The following TRAK1 variants were observed in gnomAD, a reference collection of about 807,000 sequenced individuals.
The protein encoded by TRAK1 is trafficking kinesin-binding protein 1.
A neutral mutation model predicts 92.1 loss-of-function variants in TRAK1; 33 were observed. The observed-to-expected ratio is 0.36, with a 90% CI of 0.27 to 0.48. The LOEUF (loss-of-function observed/expected upper bound fraction) is 0.48. TRAK1 is among the 20% of genes least tolerant of loss of function. The pLI is 0.99. For missense variants in TRAK1, 1,123 were observed against 1,257.9 expected, an observed-to-expected ratio of 0.89 and a Z score of 1.62; for synonymous variants, 521 against 517.3, an observed-to-expected ratio of 1.01 and a Z score of -0.10.
At chr3:42,156,757 G>A (rs1700581859) in intron 2 of TRAK1, among the ~76,000 whole-genome samples, 1 of 152,194 alleles carries the variant, frequency 6.6e-6, no homozygotes, top group African/African-American at 2.4e-5. Context: ...ATATCACCAT[G>A]AAACACTGTT....
At chr3:42,026,105 C>T (rs1701904306) in intron 1 of TRAK1, among the ~76,000 whole-genome samples, 1 of 151,968 alleles carries the variant, frequency 6.6e-6, no homozygotes, top group African/African-American at 2.4e-5. Context: ...CCTGTCTCTC[C>T]CTCCATCCCT....
chr3:42,224,115 C>T lies in TRAK1; in HGVS notation c.*378C>T, dbSNP rs998181458. On this transcript the variant is annotated 3_prime_UTR_variant, in exon 16 of 16. Transcript: ENST00000327628. Reference sequence around the variant, plus strand: ...CCCATGGATAGGAAACCAGTGAATTCCGTGGCTGGCACACCACGAGCTGTC... The same window carrying T: ...CCCATGGATAGGAAACCAGTGAATTTCGTGGCTGGCACACCACGAGCTGTC... The T allele has an allele frequency of 4.3e-6, 2 of 464,270 alleles. No individual in the cohort carries two copies. The highest frequency in any genetic ancestry group is 4.7e-5 in the Admixed American group (2 of 42,662). 28.8% of individuals were successfully genotyped at this position (464,270 alleles called of 1,614,324 possible).
intron 13 of TRAK1, among the ~76,000 whole-genome samples, chr3:42,208,554 C>T (rs1432160792): frequency 2.0e-5 from 3 of 152,190 alleles, no homozygotes; most frequent in East Asian, 1.9e-4. Flanking sequence ...CCCTTTTCTT[C>T]GCTCCCCAGG....
At chr3:42,021,464 T>C (rs1701719224) in intron 1 of TRAK1, among the ~76,000 whole-genome samples, 1 of 151,890 alleles carries the variant, frequency 6.6e-6, no homozygotes, top group African/African-American at 2.4e-5. Context: ...CATTGATGTG[T>C]TTGAAGCCAT....
At chr3:42,124,243 C>T (rs1289781212) in intron 1 of TRAK1, among the ~76,000 whole-genome samples, 10 of 152,108 alleles carry the variant, frequency 6.6e-5, no homozygotes, top group African/African-American at 2.4e-4. Context: ...ACTCTCCTCT[C>T]CTGTCTAGTT....
intron 14 of TRAK1, chr3:42,217,580 TTTTGA>T: frequency 7.1e-6 from 7 of 985,428 alleles, no homozygotes; most frequent in Non-Finnish European, 8.4e-6. Flanking sequence ...ATTTGTGACC[TTTTGA>T]TTTGATATTC....
At chr3:42,191,088 C>T (rs1470618115) in intron 6 of TRAK1, among the ~76,000 whole-genome samples, 1 of 152,188 alleles carries the variant, frequency 6.6e-6, no homozygotes, top group Non-Finnish European at 1.5e-5. Flanking sequence ...GCAGGTTTAA[C>T]TCCAACTTGG....
chr3:42,106,244 G>A (rs1172717269), intron 1 of TRAK1, among the ~76,000 whole-genome samples: 1 of 152,134 alleles, frequency 6.6e-6, no homozygotes, highest in Non-Finnish European at 1.5e-5. Context: ...AAAGAGTCAA[G>A]ACCCATCAGT....
intron 1 of TRAK1, among the ~76,000 whole-genome samples, chr3:42,042,647 A>G (rs1415723739): frequency 6.7e-6 from 1 of 150,030 alleles, no homozygotes; most frequent in Non-Finnish European, 1.5e-5. Flanking sequence ...CTGGGATTAC[A>G]GGTGTGAGCC....
intron 1 of TRAK1, among the ~76,000 whole-genome samples, chr3:42,069,207 C>G (rs1317851898): frequency 6.6e-6 from 1 of 151,546 alleles, no homozygotes; most frequent in African/African-American, 2.4e-5. Flanking sequence ...TGGTGCATGC[C>G]TGTAGTCTCA....
intron 1 of TRAK1, among the ~76,000 whole-genome samples, chr3:42,121,132 G>A (rs553253088): frequency 3.9e-5 from 6 of 152,170 alleles, no homozygotes; most frequent in Non-Finnish European, 8.8e-5. Flanking sequence ...AAGATGTGCC[G>A]CAGCCCTCGT....
At chr3:42,207,013 AC>A (rs1299767448) in intron 13 of TRAK1, among the ~76,000 whole-genome samples, 6 of 151,680 alleles carry the variant, frequency 4.0e-5, no homozygotes, top group African/African-American at 1.2e-4. Flanking sequence ...AACATCTCAG[AC>A]CCCCTTCAGA....
At chr3:42,181,939 GC>G (rs1283375975) in intron 3 of TRAK1, among the ~76,000 whole-genome samples, 1 of 151,130 alleles carries the variant, frequency 6.6e-6, no homozygotes, top group Non-Finnish European at 1.5e-5. Context: ...ATGACAAAGG[GC>G]CATGAAATAA....
intron 1 of TRAK1, among the ~76,000 whole-genome samples, chr3:42,027,169 G>A (rs1245852318): frequency 6.6e-6 from 1 of 152,086 alleles, no homozygotes; most frequent in Non-Finnish European, 1.5e-5. Context: ...GATAATATGT[G>A]CATACATTAG....
chr3:42,127,243 ATC>A (rs1030615979), intron 2 of TRAK1, among the ~76,000 whole-genome samples: 2 of 152,018 alleles, frequency 1.3e-5, no homozygotes, highest in African/African-American at 2.4e-5. Context: ...TTTTTGGGAA[ATC>A]TCTCTGCGTT....
intron 3 of TRAK1, among the ~76,000 whole-genome samples, chr3:42,182,197 C>G (rs140021492): frequency 2.6e-5 from 4 of 152,240 alleles, no homozygotes; most frequent in Non-Finnish European, 5.9e-5. Context: ...CCCCTTTGCC[C>G]CGTGAGAGGG....
At chr3:42,049,328 T>TA (rs1702891016) in intron 1 of TRAK1, among the ~76,000 whole-genome samples, 1 of 73,822 alleles carries the variant, frequency 1.4e-5, no homozygotes, top group African/African-American at 2.4e-4. Context: ...ATGTCATTCA[T>TA]TTTTTTTTTC....
chr3:42,179,900 A>T (rs1031720161), intron 3 of TRAK1, among the ~76,000 whole-genome samples: 3 of 151,264 alleles, frequency 2.0e-5, no homozygotes, highest in Admixed American at 2.0e-4. Context: ...TCTTGTTTTT[A>T]TCCTTTTTTT....
intron 1 of TRAK1, among the ~76,000 whole-genome samples, chr3:42,079,321 A>G (rs1321385385): frequency 6.6e-6 from 1 of 152,146 alleles, no homozygotes; most frequent in Non-Finnish European, 1.5e-5. Context: ...CTCTGCCCAG[A>G]AAGAGGAAAC....
Sources: allele counts gnomAD v4.1 joint callset (sites outside exome capture counted in the v4.1 genomes callset), GRCh38; gene constraint gnomAD v4.1.1; transcripts MANE v1.5; gene names NCBI Gene and HGNC (gene_info 2026-07-23, HGNC 2026-07-21).